Variants in KDM3B observed in about 807,000 individuals in gnomAD.
KDM3B encodes lysine-specific demethylase 3B.
Under a neutral mutation model 170.0 loss-of-function variants are expected in KDM3B, and 10 were observed. That is an observed-to-expected ratio of 0.06 (90% CI 0.04 to 0.10). The LOEUF is 0.10. KDM3B is among the 10% of genes least tolerant of loss of function. KDM3B has a pLI of 1.00. For missense variants in KDM3B, 1,394 were observed against 2,195.2 expected (o/e 0.64, Z 7.29); for synonymous variants, 831 against 834.8 (o/e 1.00, Z 0.08).
At position 138,424,203 on chromosome 5, in the gene KDM3B, G is replaced by A. The variant is rs773089041; in HGVS notation, c.4101G>A (p.Lys1367=). The part of the protein sequence containing the change: ...CNLTDTQKEV[K]EMVMGLNVLD... ...TGACTGATACCCAGAAGGAAGTGAAGGAGATGGTGATGGGGTTAAATGTGC... is the reference window on the plus strand; with the variant it reads ...TGACTGATACCCAGAAGGAAGTGAAAGAGATGGTGATGGGGTTAAATGTGC... The change falls in exon 16 of 24, where the codon AAG becomes AAA. Residue 1367 remains lysine, a synonymous_variant. Coordinates refer to ENST00000314358, the MANE Select transcript of KDM3B (RefSeq NM_016604.4). The A allele has an allele frequency of 1.2e-6, 2 of 1,614,124 alleles. No individual in the cohort carries two copies. Among genetic ancestry groups the A allele is most frequent in the South Asian group, 2.2e-5 (2 of 91,080 alleles).
intron 23 of KDM3B, among the ~76,000 whole-genome samples, chr5:138,434,030 G>A (rs893740210): frequency 2.0e-5 from 3 of 152,140 alleles, no homozygotes; most frequent in African/African-American, 7.2e-5. Flanking sequence ...GTGAGTCACC[G>A]TGCCCGTCCA....
chr5:138,405,655 A>G (rs1392275164), intron 11 of KDM3B, among the ~76,000 whole-genome samples: 2 of 152,228 alleles, frequency 1.3e-5, no homozygotes, highest in Non-Finnish European at 2.9e-5. Context: ...CAGAACTTAC[A>G]CAAAGTAATG....
chr5:138,367,907 G>A (rs904930494), intron 1 of KDM3B, among the ~76,000 whole-genome samples: 1 of 152,008 alleles, frequency 6.6e-6, no homozygotes, highest in African/African-American at 2.4e-5. Flanking sequence ...CAGCTACTCA[G>A]AAGGCTGAGG....
intron 5 of KDM3B, among the ~76,000 whole-genome samples, chr5:138,380,761 CAG>C (rs1199904113): frequency 6.6e-6 from 1 of 152,008 alleles, no homozygotes; most frequent in Admixed American, 6.6e-5. Flanking sequence ...CTTTTTTAAA[CAG>C]AGTCTCACTG....
In KDM3B at chr5:138,391,972, G is replaced by T; in HGVS notation, c.2340G>T (p.Pro780=). The change falls in exon 8 of 24, where the codon CCG becomes CCT. Residue 780 remains proline, a synonymous_variant. Transcript: ENST00000314358. This position sits in a 1 kb window ranked among gnomAD's most constrained non-coding sequence, Gnocchi z 5.0. The part of the protein sequence containing the change: ...GRHSGGFLSS[P]ADFSQENKAP... Reference sequence around the variant, plus strand: ...ACTCAGGCGGCTTTCTGTCCTCCCCGGCAGATTTTTCACAGGAGAACAAAG... The same window carrying T: ...ACTCAGGCGGCTTTCTGTCCTCCCCTGCAGATTTTTCACAGGAGAACAAAG... 6.2e-7 allele frequency: 1 copy of T among 1,613,060 alleles called. No homozygotes were observed. The highest frequency in any genetic ancestry group is 8.5e-7 in the Non-Finnish European group (1 of 1,179,116).
At chr5:138,369,154 G>A (rs1375276686) in intron 1 of KDM3B, among the ~76,000 whole-genome samples, 1 of 152,074 alleles carries the variant, frequency 6.6e-6, no homozygotes, top group African/African-American at 2.4e-5. Flanking sequence ...AGGACACCTG[G>A]TAGAGTACTG....
chr5:138,418,977 T>C lies in KDM3B; in HGVS notation c.3460T>C (p.Ser1154Pro). ...GCTTCCTAGCATAAACCCTAGTGCCTCTTCTGGAAACGAAACTACCTTCTC... is the reference window on the plus strand; with the variant it reads ...GCTTCCTAGCATAAACCCTAGTGCCCCTTCTGGAAACGAAACTACCTTCTC... Reference protein sequence around the residue: ...SQLPSINPSASSGNETTFSGG... With the variant: ...SQLPSINPSAPSGNETTFSGG... Residue 1154 changes from serine to proline, a missense_variant, in exon 14 of 24, where the codon TCT becomes CCT. Ser to Pro is a moderately conservative substitution (Grantham distance 74). Around this residue, in one of 19 missense-constraint regions of KDM3B, gnomAD observed 87 missense variants for 83.3 expected, o/e 1.04. Transcript: ENST00000314358. 3 of 1,614,182 alleles carry C rather than the reference T, an allele frequency of 1.9e-6. No homozygotes were observed. Among genetic ancestry groups the C allele is most frequent in the Non-Finnish European group, 2.5e-6 (3 of 1,180,038 alleles).
At chr5:138,404,187 G>A (rs543862224) in intron 11 of KDM3B, among the ~76,000 whole-genome samples, 7 of 152,272 alleles carry the variant, frequency 4.6e-5, no homozygotes, top group Non-Finnish European at 8.8e-5. Flanking sequence ...AAGTGGGAGA[G>A]CAGAGGCAGA....
chr5:138,419,732 C>T lies in KDM3B; in HGVS notation c.3715+500C>T, dbSNP rs1004086778. On this transcript the variant is annotated intron_variant, in intron 14 of 23. Coordinates refer to ENST00000314358, the MANE Select transcript of KDM3B (RefSeq NM_016604.4). ...ACACATATATATACACACACATACA[C>T]ACACACACACACACACACACACACA... 7.6e-3 allele frequency among the ~76,000 whole-genome samples: 379 copies of T among 49,570 alleles called. 4 individuals are homozygous for T. The highest frequency in any genetic ancestry group is 0.039 in the Middle Eastern group (4 of 102). 32.5% of individuals were successfully genotyped at this position (49,570 alleles called of 152,430 possible).
At chr5:138,353,046 C>A in intron 1 of KDM3B, 59 bp downstream of exon 1, 1 of 1,181,380 alleles carries the variant, frequency 8.5e-7, no homozygotes, top group Non-Finnish European at 1.1e-6. Flanking sequence ...CGGGCGGCCT[C>A]CCCGGGGGCC....
rs779717231 is a variant in KDM3B at position 138,391,553 on chromosome 5, G to A, written c.1921G>A (p.Val641Met). The change falls in exon 8 of 24, where the codon GTG becomes ATG. Residue 641 changes from valine to methionine, a missense_variant. Physicochemically the swap from Val to Met is conservative, Grantham distance 21. Coordinates refer to ENST00000314358, the MANE Select transcript of KDM3B (RefSeq NM_016604.4). This position sits in a 1 kb window ranked among gnomAD's most constrained non-coding sequence, Gnocchi z 5.0. Reference protein sequence around the residue: ...EEPSNPFLAFVEKVEHSPFSS... With the variant: ...EEPSNPFLAFMEKVEHSPFSS... ...GCCTTCTAATCCTTTCCTGGCATTT[G>A]TGGAGAAAGTTGAACACAGCCCTTT... The A allele has an allele frequency of 1.9e-6, 3 of 1,613,902 alleles. No homozygotes were observed. The highest frequency in any genetic ancestry group is 1.7e-5 in the Admixed American group (1 of 59,996).
chr5:138,353,710 C>T (rs1220674721), intron 1 of KDM3B, among the ~76,000 whole-genome samples: 1 of 152,180 alleles, frequency 6.6e-6, no homozygotes, highest in Non-Finnish European at 1.5e-5. Context: ...TCAGCTACTC[C>T]CCCAACCTTG....
intron 6 of KDM3B, among the ~76,000 whole-genome samples, chr5:138,382,702 A>G (rs1251239195): frequency 3.3e-5 from 5 of 151,966 alleles, no homozygotes; most frequent in Admixed American, 3.3e-4. Context: ...GGGTCTCGCT[A>G]TCTTGCCCAG....
At chr5:138,411,075 AAAGGAGACTCCCTTTCCTG>A (rs1762955686) in intron 11 of KDM3B, among the ~76,000 whole-genome samples, 1 of 150,476 alleles carries the variant, frequency 6.6e-6, no homozygotes, top group South Asian at 2.1e-4. Flanking sequence ...CCCCCAGGGA[AAAGGAGACTCCCTTTCCTG>A]GTCTGCTAAG....
At chr5:138,408,872 C>T (rs1762891652) in intron 11 of KDM3B, among the ~76,000 whole-genome samples, 1 of 152,092 alleles carries the variant, frequency 6.6e-6, no homozygotes, top group Non-Finnish European at 1.5e-5. Context: ...TGAAAATTGG[C>T]TCTTGCTTGG....
chr5:138,378,308 T>C (rs956626394), intron 4 of KDM3B, among the ~76,000 whole-genome samples: 4 of 152,226 alleles, frequency 2.6e-5, no homozygotes, highest in Non-Finnish European at 5.9e-5. Context: ...AGAAAATCTT[T>C]GCTTTTTTAA....
At chr5:138,358,396 C>T (rs1761512043) in intron 1 of KDM3B, among the ~76,000 whole-genome samples, 1 of 150,660 alleles carries the variant, frequency 6.6e-6, no homozygotes, top group Non-Finnish European at 1.5e-5. Flanking sequence ...CCTCTCTCTC[C>T]CAGATTCAAG....
intron 23 of KDM3B, among the ~76,000 whole-genome samples, chr5:138,431,938 TTTC>T (rs1412140559): frequency 1.3e-5 from 2 of 151,910 alleles, no homozygotes; most frequent in Admixed American, 1.3e-4. Context: ...AAAAACAGTT[TTTC>T]TTCTTTTTAA....
At chr5:138,383,715 C>T (rs767344341) in intron 6 of KDM3B, among the ~76,000 whole-genome samples, 12 of 151,970 alleles carry the variant, frequency 7.9e-5, no homozygotes, top group South Asian at 2.1e-4. Context: ...CAAAAGAGGC[C>T]GAGGCAGGTG....
Sources: allele counts gnomAD v4.1 joint callset (sites outside exome capture counted in the v4.1 genomes callset), GRCh38; gene constraint gnomAD v4.1.1; regional missense constraint gnomAD v4.1.1; non-coding constraint Gnocchi (gnomAD v3.1); transcripts MANE v1.5; gene names NCBI Gene and HGNC (gene_info 2026-07-23, HGNC 2026-07-21).